MED12L: variants seen among roughly 807,000 people sequenced by gnomAD.
MED12L encodes the protein mediator complex subunit 12L.
A neutral mutation model predicts 281.3 loss-of-function variants in MED12L; 60 were observed. The observed-to-expected ratio is 0.21, with a 90% CI of 0.17 to 0.26. The LOEUF is 0.26. Among genes scored for constraint, MED12L ranks in the 10% least tolerant of loss-of-function variants. MED12L has a pLI of 1.00. For missense variants in MED12L, 2,146 were observed against 2,680.9 expected (o/e 0.80, Z 4.41); for synonymous variants, 974 against 987.2 (o/e 0.99, Z 0.25).
chr3:151,423,016 A>ATATATATAT (rs1553820290), intron 43 of MED12L, among the ~76,000 whole-genome samples: 8 of 141,710 alleles, frequency 5.6e-5, no homozygotes, highest in African/African-American at 2.1e-4. Context: ...AGATCATAAA[A>ATATATATAT]ATATATATAT....
intron 16 of MED12L, among the ~76,000 whole-genome samples, chr3:151,271,614 A>G (rs902770610): frequency 1.3e-5 from 2 of 152,246 alleles, no homozygotes; most frequent in South Asian, 2.1e-4. Context: ...ATGCTCATCA[A>G]CAGATTAAAA....
At chr3:151,374,044 C>G (rs567916583) in intron 27 of MED12L, among the ~76,000 whole-genome samples, 1 of 152,188 alleles carries the variant, frequency 6.6e-6, no homozygotes, top group South Asian at 2.1e-4. Flanking sequence ...CAATCCAACC[C>G]CACAAAGTTG....
In MED12L at chr3:151,368,211, C is replaced by G. The variant is rs750648664; in HGVS notation, c.3510C>G (p.Leu1170=). The G allele has an allele frequency of 6.2e-7, 1 of 1,614,016 alleles. No homozygotes were observed. The highest frequency in any genetic ancestry group is 1.3e-5 in the African/African-American group (1 of 74,916). Residue 1170 remains leucine (L), a synonymous_variant, in exon 25 of 45, where the codon CTC becomes CTG. Transcript: ENST00000687756. ...TGACATGCCGACTCTTGCTTCATCT[C>G]TTCCGAGCTCCCCAGGCCTGCTTCT... ...ARMTCRLLLH[L]FRAPQACFLP...
Position 151,285,796 on chromosome 3 carries a change from A to G in MED12L, c.2251-64263A>G, listed in dbSNP as rs550335528. 2.4e-4 allele frequency among the ~76,000 whole-genome samples: 37 copies of G among 152,242 alleles called. 1 individual carries two copies. In the South Asian group the frequency reaches 7.5e-3, roughly 31 times the overall value. On this transcript the variant is annotated intron_variant, in intron 16 of 44. Coordinates refer to ENST00000687756, the MANE Select transcript of MED12L (RefSeq NM_001393769.1). ...GGCCATGAGGGTAGAGCCCTTGTGA[A>G]TGGGATCAGTGGTTGTATAAAAGAG...
intron 36 of MED12L, among the ~76,000 whole-genome samples, chr3:151,386,575 T>C (rs1198562293): frequency 7.9e-6 from 1 of 126,670 alleles, no homozygotes; most frequent in Non-Finnish European, 1.8e-5. Flanking sequence ...TGTTTTTGTC[T>C]TTGTTTTTTT....
At chr3:151,425,686 G>GT (rs1222671707) in intron 43 of MED12L, 17 of 456,682 alleles carry the variant, frequency 3.7e-5, no homozygotes, top group African/African-American at 3.0e-4. Context: ...CGGTCTTGTG[G>GT]TTACAGCAGG....
intron 19 of MED12L, 111 bp downstream of exon 19, chr3:151,356,150 G>T: frequency 9.1e-7 from 1 of 1,093,766 alleles, no homozygotes; most frequent in South Asian, 1.8e-5. Flanking sequence ...TTGTAATCCT[G>T]GCACTTTGGG....
chr3:151,189,815 G>A (rs1723735777), intron 13 of MED12L, among the ~76,000 whole-genome samples: 1 of 152,210 alleles, frequency 6.6e-6, no homozygotes, highest in Non-Finnish European at 1.5e-5. Context: ...AAACTTTAGA[G>A]TGCAGTGACA....
intron 16 of MED12L, among the ~76,000 whole-genome samples, chr3:151,230,597 C>T (rs1731474402): frequency 6.6e-6 from 1 of 150,862 alleles, no homozygotes; most frequent in African/African-American, 2.4e-5. Flanking sequence ...AATGCACTTC[C>T]ACTTCCTTCT....
chr3:151,285,201 C>G (rs1743304473), intron 16 of MED12L, among the ~76,000 whole-genome samples: 1 of 152,030 alleles, frequency 6.6e-6, no homozygotes, highest in Admixed American at 6.6e-5. Flanking sequence ...ATACAGTGGA[C>G]TGGCCGGACG....
intron 16 of MED12L, among the ~76,000 whole-genome samples, chr3:151,267,107 C>G (rs1739989484): frequency 6.6e-6 from 1 of 152,168 alleles, no homozygotes; most frequent in African/African-American, 2.4e-5. Flanking sequence ...TGTTAGAACT[C>G]CTTACATTCT....
intron 16 of MED12L, among the ~76,000 whole-genome samples, chr3:151,241,033 T>C (rs1733966912): frequency 6.6e-6 from 1 of 151,924 alleles, no homozygotes; most frequent in South Asian, 2.1e-4. Context: ...GATGAGAGTA[T>C]CTGTGTAAAG....
intron 16 of MED12L, among the ~76,000 whole-genome samples, chr3:151,230,819 A>G (rs1013135344): frequency 6.6e-6 from 1 of 152,196 alleles, no homozygotes; most frequent in Admixed American, 6.5e-5. Context: ...CCCCCTGCCA[A>G]TGCAGAAGTA....
chr3:151,334,425 G>GTT (rs1188264338), intron 16 of MED12L, among the ~76,000 whole-genome samples: 1 of 143,236 alleles, frequency 7.0e-6, no homozygotes, highest in Non-Finnish European at 1.5e-5. Context: ...AGAGAGTTGT[G>GTT]TTTTTTTTTT....
chr3:151,147,402 ATT>A (rs1375303526), intron 5 of MED12L, among the ~76,000 whole-genome samples: 1 of 152,236 alleles, frequency 6.6e-6, no homozygotes, highest in African/African-American at 2.4e-5. Context: ...TAATTCATCC[ATT>A]TAAAGTCTAC....
chr3:151,298,391 G>A (rs1745388962), intron 16 of MED12L, among the ~76,000 whole-genome samples: 1 of 152,222 alleles, frequency 6.6e-6, no homozygotes. Flanking sequence ...CTGTTTTACA[G>A]TGTAAAGGCT....
At position 151,372,561 on chromosome 3, in the gene MED12L, A is replaced by C. The variant is rs367800398; in HGVS notation, c.3665-6A>C. 10 of 1,611,886 alleles carry C rather than the reference A, an allele frequency of 6.2e-6. No homozygotes were observed. The highest frequency in any genetic ancestry group is 2.7e-5 in the African/African-American group (2 of 74,882). Reference sequence around the variant, plus strand: ...GTGATTTTGCTTTTGTGATTCTATTACTTAGGAGATGCCAAAATTGGCAAT... The same window carrying C: ...GTGATTTTGCTTTTGTGATTCTATTCCTTAGGAGATGCCAAAATTGGCAAT... On this transcript the variant is annotated splice_region_variant and splice_polypyrimidine_tract_variant and intron_variant, in intron 26 of 44. Coordinates refer to ENST00000687756, the MANE Select transcript of MED12L (RefSeq NM_001393769.1).
At chr3:151,155,976 G>A (rs1240679338) in intron 5 of MED12L, among the ~76,000 whole-genome samples, 185 bp from the exon 6 acceptor site, 1 of 152,178 alleles carries the variant, frequency 6.6e-6, no homozygotes, top group African/African-American at 2.4e-5. Flanking sequence ...ACTAGCATGC[G>A]TTCTCTAAGG....
intron 25 of MED12L, 135 bp downstream of exon 25, chr3:151,368,386 A>G: frequency 1.4e-6 from 1 of 706,410 alleles, no homozygotes; most frequent in South Asian, 1.5e-5. Flanking sequence ...GAAGGGTGAG[A>G]TGATACTATT....
Sources: gnomAD v4.1 joint callset for allele counts (sites outside exome capture counted in the v4.1 genomes callset) on GRCh38, gnomAD v4.1.1 for gene constraint, MANE v1.5 for transcripts, NCBI Gene and HGNC (gene_info 2026-07-23, HGNC 2026-07-21) for gene names.